PGAP1: variants seen among roughly 807,000 people sequenced by gnomAD.
PGAP1 encodes the protein post-GPI attachment to proteins inositol deacylase 1, also known as GPI inositol-deacylase.
A neutral mutation model predicts 127.0 loss-of-function variants in PGAP1; 76 were observed. That is an observed-to-expected ratio of 0.60 (90% CI 0.50 to 0.72). PGAP1 has a LOEUF of 0.72. Ranked by LOEUF, PGAP1 falls within the 30% of genes least tolerant of loss-of-function variation. The pLI, the probability that PGAP1 is intolerant of heterozygous loss-of-function variation, is 0.00. For synonymous variants in PGAP1, 362 were observed against 366.5 expected (o/e 0.99, Z 0.14); for missense variants, 982 against 1,071.3 (o/e 0.92, Z 1.16).
In PGAP1 at chr2:196,847,026, A is replaced by C; in HGVS notation, c.2127T>G (p.Ser709=). The C allele has an allele frequency of 1.2e-6, 2 of 1,613,460 alleles. No homozygotes were observed. The highest frequency in any genetic ancestry group is 8.5e-7 in the Non-Finnish European group (1 of 1,179,618). ...ACCTTTTCAAAGCTAGCCACAATGA[A>C]GAAAGAAGTCTCACAGATGCAGAAG... ...LLSSASVRLL[S]SLWLALKRPS... Residue 709 remains serine (S), a synonymous_variant, in exon 22 of 27, where the codon TCT becomes TCG. Transcript: ENST00000354764.
chr2:196,880,013 GA>G (rs1701682464), intron 13 of PGAP1, 62 bp downstream of exon 13: 4 of 1,191,952 alleles, frequency 3.4e-6, no homozygotes, highest in Non-Finnish European at 4.9e-6. Flanking sequence ...CATTGAAAAA[GA>G]ACTGTAAAAT....
At position 196,838,029 on chromosome 2, in the gene PGAP1, C is replaced by T. The variant is rs554780015; in HGVS notation, c.*3205G>A. The T allele has an allele frequency of 1.1e-4, 17 of 152,214 alleles. 1 individual carries two copies. The East Asian group carries it at 1.4e-3, about 12-fold the overall frequency. 9.4% of individuals were successfully genotyped at this position (152,214 alleles called of 1,614,324 possible). On this transcript the variant is annotated 3_prime_UTR_variant, in exon 27 of 27. Transcript: ENST00000354764. ...AGAGTTAGCAGAACCTGTTTAATTT[C>T]TGGCATAAAAAAGATCCAGGAAAAA...
At chr2:196,903,613 T>C (rs557640498) in intron 4 of PGAP1, among the ~76,000 whole-genome samples, 1 of 151,572 alleles carries the variant, frequency 6.6e-6, no homozygotes, top group African/African-American at 2.4e-5. Context: ...ATCTCTTCTG[T>C]GGCCAACCAC....
At chr2:196,915,220 C>A (rs908247165) in intron 3 of PGAP1, among the ~76,000 whole-genome samples, 2 of 152,218 alleles carry the variant, frequency 1.3e-5, no homozygotes, top group African/African-American at 4.8e-5. Flanking sequence ...CATCTCTCCT[C>A]ATTTCTTAAA....
At chr2:196,870,346 G>A (rs1231358308) in intron 19 of PGAP1, among the ~76,000 whole-genome samples, 2 of 146,240 alleles carry the variant, frequency 1.4e-5, no homozygotes, top group Non-Finnish European at 3.0e-5. Flanking sequence ...GCCAAGGTTA[G>A]AGTGCAGTGG....
At chr2:196,885,694 T>C in intron 11 of PGAP1, 140 bp downstream of exon 11, 1 of 682,018 alleles carries the variant, frequency 1.5e-6, no homozygotes, top group Non-Finnish European at 2.2e-6. Context: ...ATTCATTTCC[T>C]TTACTTTTCA....
At chr2:196,874,825 G>A (rs1417582949) in intron 14 of PGAP1, among the ~76,000 whole-genome samples, 1 of 152,110 alleles carries the variant, frequency 6.6e-6, no homozygotes, top group Non-Finnish European at 1.5e-5. Context: ...ACCAGCCTGG[G>A]CAATATGGTG....
chr2:196,901,448 A>G (rs1393989111), intron 5 of PGAP1, among the ~76,000 whole-genome samples: 1 of 152,206 alleles, frequency 6.6e-6, no homozygotes, highest in Non-Finnish European at 1.5e-5. Context: ...ATCTATGAAG[A>G]GGTATAACTA....
chr2:196,843,910 T>C lies in PGAP1; in HGVS notation c.2503A>G (p.Ile835Val). The C allele has an allele frequency of 6.6e-7, 1 of 1,526,050 alleles. No individual in the cohort carries two copies. Among genetic ancestry groups the C allele is most frequent in the Non-Finnish European group, 8.9e-7 (1 of 1,128,470 alleles). 94.5% of individuals were successfully genotyped at this position (1,526,050 alleles called of 1,614,324 possible). ...CACCTAAGATTCTTTAGCCAATAAA[T>C]TAGAGAAGGCATGCTGAGTAATACA... ...WIVLLSMPSL[I>V]YWLKNLRYYF... The change falls in exon 25 of 27, where the codon ATT (isoleucine) becomes GTT (valine). Residue 835 changes from isoleucine to valine, a missense_variant. Transcript: ENST00000354764.
At chr2:196,894,614 A>G (rs1449402456) in intron 7 of PGAP1, among the ~76,000 whole-genome samples, 1 of 152,136 alleles carries the variant, frequency 6.6e-6, no homozygotes, top group East Asian at 1.9e-4. Context: ...CATCCTGGCT[A>G]ACACGTAGAA....
intron 14 of PGAP1, among the ~76,000 whole-genome samples, chr2:196,874,264 A>T (rs1701492705): frequency 6.6e-6 from 1 of 152,110 alleles, no homozygotes; most frequent in Admixed American, 6.5e-5. Context: ...CTTAAGCAAA[A>T]ATATATATAA....
rs1702123908 is a variant in PGAP1 at position 196,892,288 on chromosome 2, A to C, written c.1089+58T>G. ...TAAAGAGTCTTTAACTTTTAAAGAT[A>C]AATACTAAATTATTTCTGGAAAAAA... On this transcript the variant is annotated intron_variant, in intron 9 of 26. Transcript: ENST00000354764. 4 of 791,946 alleles carry C rather than the reference A, an allele frequency of 5.1e-6. No homozygotes were observed. The South Asian group carries it at 7.0e-5, about 14-fold the overall frequency. 49.1% of individuals were successfully genotyped at this position (791,946 alleles called of 1,614,324 possible). A position where few individuals can be genotyped will look rare whatever the true frequency, so the allele number is the denominator to read the frequency against.
chr2:196,911,606 T>TA (rs56107551), intron 4 of PGAP1, among the ~76,000 whole-genome samples: 177 of 77,284 alleles, frequency 2.3e-3, no homozygotes, highest in African/African-American at 7.0e-3. Flanking sequence ...TAGAGTATAA[T>TA]AAAAAAAAAA....
intron 2 of PGAP1, among the ~76,000 whole-genome samples, chr2:196,918,342 T>A (rs557981407): frequency 6.6e-6 from 1 of 152,298 alleles, no homozygotes; most frequent in South Asian, 2.1e-4. Flanking sequence ...CTCTTGGGTA[T>A]CTAGCTTACA....
At chr2:196,880,470 T>C (rs553155162) in intron 12 of PGAP1, among the ~76,000 whole-genome samples, 40 of 152,294 alleles carry the variant, frequency 2.6e-4, no homozygotes, top group African/African-American at 9.6e-4. Context: ...GTCTTTCTTT[T>C]TATAATTTGG....
intron 2 of PGAP1, 100 bp downstream of exon 2, chr2:196,919,897 T>C: frequency 8.4e-7 from 1 of 1,191,954 alleles, no homozygotes; most frequent in Non-Finnish European, 1.2e-6. Flanking sequence ...ACACACAGCA[T>C]GCATTTCATT....
At position 196,902,582 on chromosome 2, in the gene PGAP1, TACC is replaced by T; in HGVS notation, c.807_807+2del. 1 of 1,595,434 alleles carries T rather than the reference TACC, an allele frequency of 6.3e-7. No individual in the cohort carries two copies. The highest frequency in any genetic ancestry group is 8.5e-7 in the Non-Finnish European group (1 of 1,173,770). On this transcript the variant is annotated splice_donor_variant and coding_sequence_variant, in exon 5 of 27. Coordinates refer to ENST00000354764, the MANE Select transcript of PGAP1 (RefSeq NM_024989.4). LOFTEE classifies it high-confidence loss of function. ...TTTCAATAGAATCTTAAAAAAAGAT[TACC>T]ACAACAGATAAGGCACTGGTATGAT...
intron 7 of PGAP1, among the ~76,000 whole-genome samples, chr2:196,895,485 G>A (rs924745303): frequency 1.2e-4 from 18 of 152,168 alleles, no homozygotes; most frequent in African/African-American, 4.1e-4. Flanking sequence ...CCACAGTTAA[G>A]TCTCACAGTT....
chr2:196,878,832 C>T (rs1030861175), intron 13 of PGAP1, among the ~76,000 whole-genome samples: 13 of 152,296 alleles, frequency 8.5e-5, no homozygotes, highest in South Asian at 4.1e-4. Context: ...ATACTTCATG[C>T]TTTGCTCTGT....
Sources: gnomAD v4.1 joint callset for allele counts (sites outside exome capture counted in the v4.1 genomes callset) on GRCh38, gnomAD v4.1.1 for gene constraint, MANE v1.5 for transcripts, NCBI Gene and HGNC (gene_info 2026-07-23, HGNC 2026-07-21) for gene names.